EXD3: variants seen among roughly 807,000 people sequenced by gnomAD.
EXD3 encodes exonuclease 3'-5' domain containing 3, also known as exonuclease mut-7 homolog.
In EXD3, 92 loss-of-function variants were observed where a neutral mutation model predicts 98.0. The ratio of observed to expected loss-of-function variants is 0.94; its 90% CI spans 0.79 to 1.12. EXD3 has a LOEUF of 1.12. Among genes scored for constraint, EXD3 ranks in the 50% most tolerant of loss-of-function variants. The pLI is 0.00. For missense variants in EXD3, 1,222 were observed against 1,191.6 expected (o/e 1.03, Z -0.38); for synonymous variants, 569 against 526.0 (o/e 1.08, Z -1.12).
rs545998506 is a variant in EXD3 at position 137,379,487 on chromosome 9, G to A, written c.120+3826C>T. On this transcript the variant is annotated intron_variant, in intron 3 of 21. Transcript: ENST00000340951. ...TCTGTGTGAGGGGTACGGGGTTTGCGGGTGACGGTGACCGTTGCCTGGGGC... is the reference window on the plus strand; with the variant it reads ...TCTGTGTGAGGGGTACGGGGTTTGCAGGTGACGGTGACCGTTGCCTGGGGC... 2.0e-5 allele frequency among the ~76,000 whole-genome samples: 3 copies of A among 146,980 alleles called. No homozygotes were observed. In the East Asian group the frequency reaches 6.1e-4, roughly 30 times the overall value.
rs1835640530 is a variant in EXD3 at position 137,371,977 on chromosome 9, CT to C, written c.462+927del. ...TGTTCCACACAAACCCAAGTCACAG[CT>C]TGGCCAGGCTCAGGACGACGGGGCT... On this transcript the variant is annotated intron_variant, in intron 5 of 21. Transcript: ENST00000340951. This position sits in a 1 kb window ranked among gnomAD's most constrained non-coding sequence, Gnocchi z 8.0. Among the ~76,000 whole-genome samples the C allele has an allele frequency of 6.6e-6, 1 of 152,164 alleles. No homozygotes were observed. The highest frequency in any genetic ancestry group is 1.5e-5 in the Non-Finnish European group (1 of 68,034).
rs571567815 is a variant in EXD3, at chr9:137,391,330, G to C, written c.55+3973C>G. The stretch of plus-strand genomic sequence containing the variant: ...ACACTGGGCGGGTGCCGAGGAACCC[G>C]TCTGGAGCGTGGACGCTGGATGTGA... On this transcript the variant is annotated intron_variant, in intron 2 of 21. Transcript: ENST00000340951. 3.9e-5 allele frequency among the ~76,000 whole-genome samples: 6 copies of C among 152,352 alleles called. No individual in the cohort carries two copies. The East Asian group carries it at 9.7e-4, about 25-fold the overall frequency.
intron 14 of EXD3, among the ~76,000 whole-genome samples, chr9:137,350,734 G>C (rs1275665942): frequency 1.3e-5 from 2 of 151,968 alleles, no homozygotes; most frequent in Non-Finnish European, 2.9e-5. Flanking sequence ...AGAGCCCCAG[G>C]GGCTCCCTCC....
intron 1 of EXD3, among the ~76,000 whole-genome samples, chr9:137,409,763 T>A (rs1326163280): frequency 6.6e-6 from 1 of 152,166 alleles, no homozygotes; most frequent in Non-Finnish European, 1.5e-5. Context: ...CCTGTCTGGA[T>A]CTCTCAGCAT....
chr9:137,414,314 TGA>T (rs1236087687), intron 1 of EXD3, among the ~76,000 whole-genome samples: 1 of 152,260 alleles, frequency 6.6e-6, no homozygotes, highest in Non-Finnish European at 1.5e-5. Flanking sequence ...TTTCCGTGGC[TGA>T]GTCCTGCCCC....
intron 20 of EXD3, among the ~76,000 whole-genome samples, chr9:137,309,160 C>T (rs905451171): frequency 1.5e-4 from 23 of 152,224 alleles, no homozygotes; most frequent in African/African-American, 5.5e-4. Context: ...GCACCCTCCA[C>T]AGGAGGAGAA....
rs781179055 is a variant in EXD3, at chr9:137,352,641, C to T, written c.1016G>A (p.Arg339His). The change falls in exon 11 of 22, where the codon CGC becomes CAC. Residue 339 changes from arginine (R) to histidine (H), a missense_variant. Physicochemically the swap from Arg to His is conservative, Grantham distance 29. Coordinates refer to ENST00000340951, the MANE Select transcript of EXD3 (RefSeq NM_017820.5). ...TCACCTCCCCTGGAGCCTGAACCGG[C>T]GGAGTTCCACAGCCACCGCAGCCGG... ...RLPAAVAVEL[R>H]RFRLQGRATE... 406 of 1,546,924 alleles carry T rather than the reference C, an allele frequency of 2.6e-4. No homozygotes were observed. The highest frequency in any genetic ancestry group is 1.1e-3 in the Middle Eastern group (6 of 5,634).
At chr9:137,318,206 C>T (rs955972901) in intron 19 of EXD3, among the ~76,000 whole-genome samples, 5 of 152,288 alleles carry the variant, frequency 3.3e-5, no homozygotes, top group South Asian at 2.1e-4. Context: ...GTCCCCTCCT[C>T]GAGAACCCCC....
chr9:137,331,651 C>T (rs1419679307), intron 17 of EXD3, among the ~76,000 whole-genome samples: 1 of 152,202 alleles, frequency 6.6e-6, no homozygotes, highest in Non-Finnish European at 1.5e-5. Flanking sequence ...CGCGGTGGCT[C>T]ACGCCTGTAA....
In EXD3 at chr9:137,352,614, G is replaced by T. The variant is rs1329551031; in HGVS notation, c.1037+6C>A. ...CCCTGGCTGGGGTCACCCTGGCGGC[G>T]CTCACCTCCCCTGGAGCCTGAACCG... On this transcript the variant is annotated splice_donor_region_variant and intron_variant, in intron 11 of 21. Transcript: ENST00000340951. 1.3e-6 allele frequency: 2 copies of T among 1,537,354 alleles called. No homozygotes were observed. The highest frequency in any genetic ancestry group is 1.2e-5 in the South Asian group (1 of 83,076).
intron 6 of EXD3, among the ~76,000 whole-genome samples, chr9:137,367,361 A>T (rs1471140911): frequency 6.6e-6 from 1 of 151,954 alleles, no homozygotes; most frequent in African/African-American, 2.4e-5. Context: ...CTTTAGGGAG[A>T]CCAGGATGCG....
intron 19 of EXD3, among the ~76,000 whole-genome samples, chr9:137,316,013 C>T (rs1465364470): frequency 1.1e-4 from 17 of 148,794 alleles, no homozygotes; most frequent in Non-Finnish European, 2.2e-4. Flanking sequence ...CAAGGGAAGT[C>T]CCCCTTCTCC....
intron 1 of EXD3, among the ~76,000 whole-genome samples, chr9:137,398,801 T>A (rs1246903287): frequency 2.5e-4 from 13 of 52,924 alleles, no homozygotes; most frequent in South Asian, 6.5e-4. Flanking sequence ...CGCGTCCCCG[T>A]GACACACAGG....
At position 137,307,598 on chromosome 9, in the gene EXD3, C is replaced by T. The variant is rs553768520; in HGVS notation, c.2317+10G>A. On this transcript the variant is annotated intron_variant, in intron 21 of 21. Transcript: ENST00000340951. The stretch of plus-strand genomic sequence containing the variant: ...CAGCTGTGTCCTTGGTGGGCGGTCC[C>T]GGGGCTCACCTGGCTCCTGCACCGC... The T allele has an allele frequency of 1.6e-5, 25 of 1,609,590 alleles. No individual in the cohort carries two copies. The highest frequency in any genetic ancestry group is 1.3e-4 in the South Asian group (12 of 90,996).
chr9:137,368,100 G>T, intron 5 of EXD3, 111 bp from the exon 6 acceptor site: 1 of 863,356 alleles, frequency 1.2e-6, no homozygotes, highest in Non-Finnish European at 1.8e-6. Flanking sequence ...TGAGGCCGGA[G>T]TGCAGGGCCT....
intron 1 of EXD3, among the ~76,000 whole-genome samples, chr9:137,397,828 A>T (rs1462353861): frequency 6.6e-6 from 1 of 152,194 alleles, no homozygotes; most frequent in Non-Finnish European, 1.5e-5. Context: ...CTTTGGTTCC[A>T]GCTACTCAGC....
chr9:137,373,702 A>C (rs1835757205), intron 3 of EXD3, 103 bp from the exon 4 acceptor site: 2 of 1,310,964 alleles, frequency 1.5e-6, no homozygotes, highest in East Asian at 2.6e-5. Context: ...ATCCATTCAG[A>C]AGGTAGCTGT....
chr9:137,366,075 A>AGGCACC (rs1364564189), intron 7 of EXD3: 1 of 684,394 alleles, frequency 1.5e-6, no homozygotes, highest in Non-Finnish European at 2.7e-6. Flanking sequence ...GAATCCATAC[A>AGGCACC]GGCACCATAT....
chr9:137,328,935 C>T (rs1434224945), intron 17 of EXD3, among the ~76,000 whole-genome samples: 1 of 26,832 alleles, frequency 3.7e-5, no homozygotes, highest in African/African-American at 2.1e-4. Flanking sequence ...CACGGGACTA[C>T]ACGGGGCTAC....
Sources: allele counts gnomAD v4.1 joint callset (sites outside exome capture counted in the v4.1 genomes callset), GRCh38; gene constraint gnomAD v4.1.1; non-coding constraint Gnocchi (gnomAD v3.1); transcripts MANE v1.5; gene names NCBI Gene and HGNC (gene_info 2026-07-23, HGNC 2026-07-21).